The following ZBTB39 variants were observed in gnomAD, a reference collection of about 807,000 sequenced individuals.
ZBTB39 encodes the protein zinc finger and BTB domain containing 39.
A neutral mutation model predicts 39.4 loss-of-function variants in ZBTB39; 25 were observed. That is an observed-to-expected ratio of 0.63 (90% confidence interval 0.46 to 0.89). ZBTB39 has a LOEUF of 0.89. Among genes scored for constraint, ZBTB39 ranks in the 40% least tolerant of loss-of-function variants. ZBTB39 has a pLI of 0.00. For synonymous variants in ZBTB39, 373 were observed against 359.6 expected (o/e 1.04, Z -0.42); for missense variants, 891 against 909.7 (o/e 0.98, Z 0.26).
At position 57,002,938 on chromosome 12, in the gene ZBTB39, CAT is replaced by C; in HGVS notation, c.1978_1979del (p.Met660ValfsTer14). The C allele has an allele frequency of 1.2e-6, 2 of 1,614,262 alleles. No homozygotes were observed. The highest frequency in any genetic ancestry group is 8.5e-7 in the Non-Finnish European group (1 of 1,180,054). Reference protein sequence around the residue: ...CHLKTHSGALMYRCTVCGHYS... With the variant: ...CHLKTHSGALXYRCTVCGHYS... ...AGTGCCCACAGACTGTGCAGCGGTA[CAT>C]GAGGGCCCCCGAGTGTGTCTTTAGG... On this transcript the variant is annotated frameshift_variant, in exon 2 of 2. Transcript: ENST00000300101. LOFTEE classifies it high-confidence loss of function.
Position 57,003,141 on chromosome 12 carries a change from C to G in ZBTB39, c.1777G>C (p.Glu593Gln), listed in dbSNP as rs774889949. ...KLPAEEFLGE[E>Q]LALQGQPGNS... ...CCAGGTTGGCCCTGCAGCGCCAGCTCTTCACCCAGAAACTCCTCTGCTGGC... is the reference window on the plus strand; with the variant it reads ...CCAGGTTGGCCCTGCAGCGCCAGCTGTTCACCCAGAAACTCCTCTGCTGGC... Residue 593 changes from glutamate (E) to glutamine (Q), a missense_variant, in exon 2 of 2, where the codon GAG (glutamate) becomes CAG (glutamine). Transcript: ENST00000300101. The surrounding 1 kb of genome is among the most constrained non-coding windows in gnomAD (Gnocchi z 4.8). 1.2e-6 allele frequency: 2 copies of G among 1,614,184 alleles called. No homozygotes were observed. Among genetic ancestry groups the G allele is most frequent in the South Asian group, 1.1e-5 (1 of 91,084 alleles).
At position 57,002,830 on chromosome 12, in the gene ZBTB39, G is replaced by C; in HGVS notation, c.2088C>G (p.Thr696=). The C allele has an allele frequency of 6.2e-7, 1 of 1,614,210 alleles. No individual in the cohort carries two copies. The highest frequency in any genetic ancestry group is 1.7e-5 in the Admixed American group (1 of 60,038). ...SLPPDFTIEQ[T]FMYIIHSKEA... is the part of the protein sequence containing the mutation. ...CTTTGGAATGGATGATGTACATGAA[G>C]GTCTGCTCGATGGTGAAGTCAGGGG... Residue 696 remains threonine (T), a synonymous_variant, in exon 2 of 2, where the codon ACC becomes ACG. Coordinates refer to ENST00000300101, the MANE Select transcript of ZBTB39 (RefSeq NM_014830.3).
chr12:57,004,199 C>T lies in ZBTB39; in HGVS notation c.719G>A (p.Ser240Asn), dbSNP rs774811630. 1.2e-5 allele frequency: 20 copies of T among 1,614,174 alleles called. No homozygotes were observed. In the South Asian group the frequency reaches 2.2e-4, roughly 18 times the overall value. Residue 240 changes from serine (S) to asparagine (N), a missense_variant, in exon 2 of 2, where the codon AGC (serine) becomes AAC (asparagine). Physicochemically the swap from Ser to Asn is conservative, Grantham distance 46 (BLOSUM62 1). Transcript: ENST00000300101. ...LGTVSTGIQT[S>N]TSSCQPYKVQ... is the part of the protein sequence containing the mutation. ...TTTGTATGGCTGGCAGGAGCTCGTG[C>T]TGGTCTGGATGCCCGTGCTGACAGT...
rs768517211 is a variant in ZBTB39, at chr12:57,004,573, G to A, written c.345C>T (p.Leu115=). Reference sequence around the variant, plus strand: ...CAGGAAAGGTAGAGTGACAGGCCTGGAGGAGGTCCTCCATACCCAGACGCT... The same window carrying A: ...CAGGAAAGGTAGAGTGACAGGCCTGAAGGAGGTCCTCCATACCCAGACGCT... ...VAERLGMEDL[L]QACHSTFPDL... The change falls in exon 2 of 2, where the codon CTC becomes CTT. Residue 115 remains leucine, a synonymous_variant. Coordinates refer to ENST00000300101, the MANE Select transcript of ZBTB39 (RefSeq NM_014830.3). 68 of 1,614,218 alleles carry A rather than the reference G, an allele frequency of 4.2e-5. 1 individual carries two copies. The South Asian group carries it at 7.2e-4, about 17-fold the overall frequency.
At position 57,004,848 on chromosome 12, in the gene ZBTB39, G is replaced by A. The variant is rs1402826656; in HGVS notation, c.70C>T (p.Arg24Trp). The change falls in exon 2 of 2, where the codon CGG becomes TGG. Residue 24 changes from arginine (R) to tryptophan (W), a missense_variant. Transcript: ENST00000300101. ...NNLLKELNKC[R>W]LSETMCDVTI... ...ACGTCGCACATGGTCTCTGAGAGCC[G>A]GCACTTGTTGAGTTCCTTCAGCAGG... The A allele has an allele frequency of 6.2e-6, 10 of 1,613,562 alleles. No individual in the cohort carries two copies. The highest frequency in any genetic ancestry group is 1.3e-5 in the African/African-American group (1 of 74,932).
Position 57,004,021 on chromosome 12 carries a change from C to T in ZBTB39, c.897G>A (p.Leu299=), listed in dbSNP as rs1392070165. The change falls in exon 2 of 2, where the codon CTG becomes CTA. Residue 299 remains leucine (L), a synonymous_variant. Coordinates refer to ENST00000300101, the MANE Select transcript of ZBTB39 (RefSeq NM_014830.3). ...GQMDELQLED[L]GDDDLQFEDP... ...CTTCAAACTGCAAGTCATCATCCCC[C>T]AGGTCCTCGAGCTGGAGCTCATCCA... 3.1e-6 allele frequency: 5 copies of T among 1,614,260 alleles called. No homozygotes were observed. The highest frequency in any genetic ancestry group is 1.1e-5 in the South Asian group (1 of 91,078).
chr12:57,004,665 T>C lies in ZBTB39; in HGVS notation c.253A>G (p.Ser85Gly). ...AAGAGTTCTGAAGTGTAGACAAAGC[T>C]CAGAACCTTCTCAAAGTTGGCAGGG... ...ITPANFEKVL[S>G]FVYTSELFTD... The change falls in exon 2 of 2, where the codon AGC (serine) becomes GGC (glycine). Residue 85 changes from serine to glycine, a missense_variant. Ser to Gly is a moderately conservative substitution (Grantham distance 56, BLOSUM62 0). Coordinates refer to ENST00000300101, the MANE Select transcript of ZBTB39 (RefSeq NM_014830.3). The C allele has an allele frequency of 6.2e-7, 1 of 1,614,146 alleles. No individual in the cohort carries two copies. The highest frequency in any genetic ancestry group is 1.3e-5 in the African/African-American group (1 of 75,020).
In ZBTB39 at chr12:56,999,372, A is replaced by G. The variant is rs556592922; in HGVS notation, c.*3407T>C. 1 of 152,392 alleles carries G rather than the reference A, an allele frequency of 6.6e-6. No individual in the cohort carries two copies. The highest frequency in any genetic ancestry group is 1.9e-4 in the East Asian group (1 of 5,196). The allele number at this position is 152,392 out of a possible 1,614,324, so 9.4% of individuals were successfully genotyped here. Reference sequence around the variant, plus strand: ...GGGGAAAGGGGCACAGAAGGAGGCCAGAGGAAGAAGAAAATTCAACACTAG... The same window carrying G: ...GGGGAAAGGGGCACAGAAGGAGGCCGGAGGAAGAAGAAAATTCAACACTAG... On this transcript the variant is annotated 3_prime_UTR_variant, in exon 2 of 2. Coordinates refer to ENST00000300101, the MANE Select transcript of ZBTB39 (RefSeq NM_014830.3).
Position 56,999,138 on chromosome 12 carries a change from T to G in ZBTB39, c.*3641A>C, listed in dbSNP as rs1334014145. On this transcript the variant is annotated 3_prime_UTR_variant, in exon 2 of 2. Transcript: ENST00000300101. ...GAAGGGTTTTAAAGAAACATCAAAA[T>G]CGAGTTTCATTTTCATTCTGATGTT... 6.6e-6 allele frequency: 1 copy of G among 152,344 alleles called. No individual in the cohort carries two copies. Among genetic ancestry groups the G allele is most frequent in the Admixed American group, 6.6e-5 (1 of 15,266 alleles). 9.4% of individuals were successfully genotyped at this position (152,344 alleles called of 1,614,324 possible). A position where few individuals can be genotyped will look rare whatever the true frequency, so the allele number is the denominator to read the frequency against.
Position 57,002,860 on chromosome 12 carries a change from G to A in ZBTB39, c.2058C>T (p.Ser686=). Residue 686 remains serine (S), a synonymous_variant, in exon 2 of 2, where the codon AGC becomes AGT. Coordinates refer to ENST00000300101, the MANE Select transcript of ZBTB39 (RefSeq NM_014830.3). ...GCTCGATGGTGAAGTCAGGGGGGAGGCTGCCTTTGTGCACACCAACATGTT... is the reference window on the plus strand; with the variant it reads ...GCTCGATGGTGAAGTCAGGGGGGAGACTGCCTTTGTGCACACCAACATGTT... ...MSKHVGVHKG[S]LPPDFTIEQT... The A allele has an allele frequency of 6.2e-7, 1 of 1,614,218 alleles. No homozygotes were observed. Among genetic ancestry groups the A allele is most frequent in the Non-Finnish European group, 8.5e-7 (1 of 1,180,046 alleles).
Position 57,004,624 on chromosome 12 carries a change from A to G in ZBTB39, c.294T>C (p.Asn98=). Residue 98 remains asparagine, a synonymous_variant, in exon 2 of 2, where the codon AAT becomes AAC. Transcript: ENST00000300101. ...YTSELFTDLI[N]VGVIYEVAER... ...CAGCTACCTCGTAGATGACCCCAACATTGATCAGGTCTGTGAAGAGTTCTG... is the reference window on the plus strand; with the variant it reads ...CAGCTACCTCGTAGATGACCCCAACGTTGATCAGGTCTGTGAAGAGTTCTG... 6.2e-7 allele frequency: 1 copy of G among 1,614,166 alleles called. No homozygotes were observed. Among genetic ancestry groups the G allele is most frequent in the Non-Finnish European group, 8.5e-7 (1 of 1,180,032 alleles).
chr12:57,004,358 T>C lies in ZBTB39; in HGVS notation c.560A>G (p.Lys187Arg), dbSNP rs941607028. ...ATGGTTAGCGTCACTGGCAACATTC[T>C]TCTCTTCCTCTTTATAGCTCCCTCC... ...DAGGSYKEEE[K>R]NVASDANHSL... The change falls in exon 2 of 2, where the codon AAG becomes AGG. Residue 187 changes from lysine (K) to arginine (R), a missense_variant. Lys to Arg is a conservative substitution (Grantham distance 26). Coordinates refer to ENST00000300101, the MANE Select transcript of ZBTB39 (RefSeq NM_014830.3). 4.3e-6 allele frequency: 7 copies of C among 1,614,182 alleles called. No homozygotes were observed. Among genetic ancestry groups the C allele is most frequent in the Non-Finnish European group, 5.9e-6 (7 of 1,180,032 alleles).
At position 57,004,926 on chromosome 12, in the gene ZBTB39, C is replaced by T; in HGVS notation, c.-9G>A. The T allele has an allele frequency of 2.5e-6, 4 of 1,574,990 alleles. No individual in the cohort carries two copies. Among genetic ancestry groups the T allele is most frequent in the Non-Finnish European group, 3.5e-6 (4 of 1,157,470 alleles). Reference sequence around the variant, plus strand: ...TTGATCCTCATGCCCATCTTAGCAGCTCCTATGAAATTACCTCCTTATCAG... The same window carrying T: ...TTGATCCTCATGCCCATCTTAGCAGTTCCTATGAAATTACCTCCTTATCAG... On this transcript the variant is annotated 5_prime_UTR_variant, in exon 2 of 2. Coordinates refer to ENST00000300101, the MANE Select transcript of ZBTB39 (RefSeq NM_014830.3).
At position 57,003,458 on chromosome 12, in the gene ZBTB39, T is replaced by G. The variant is rs767215271; in HGVS notation, c.1460A>C (p.Gln487Pro). ...GAGGCTGCAGAGGTTAAGGTGACGC[T>G]GGTCGCAGACACTGCAGGCCTGGCC... ...LKGQACSVCD[Q>P]RHLNLCSLMW... The change falls in exon 2 of 2, where the codon CAG becomes CCG. Residue 487 changes from glutamine (Q) to proline (P), a missense_variant. Transcript: ENST00000300101. This position sits in a 1 kb window ranked among gnomAD's most constrained non-coding sequence, Gnocchi z 4.8. 6 of 1,613,692 alleles carry G rather than the reference T, an allele frequency of 3.7e-6. No individual in the cohort carries two copies. In the South Asian group the frequency reaches 6.6e-5, roughly 18 times the overall value.
rs1375152086 is a variant in ZBTB39, at chr12:57,004,677, C to T, written c.241G>A (p.Glu81Lys). The change falls in exon 2 of 2, where the codon GAG becomes AAG. Residue 81 changes from glutamate (E) to lysine (K), a missense_variant. Glu to Lys is a moderately conservative substitution (Grantham distance 56). Transcript: ENST00000300101. ...GTGTAGACAAAGCTCAGAACCTTCT[C>T]AAAGTTGGCAGGGGTGATGAAGTCC... ...VVDFITPANFEKVLSFVYTSE... is the reference protein window; with the variant it reads ...VVDFITPANFKKVLSFVYTSE... 2.5e-6 allele frequency: 4 copies of T among 1,614,110 alleles called. No individual in the cohort carries two copies.
Position 57,002,130 on chromosome 12 carries a change from T to G in ZBTB39, c.*649A>C, listed in dbSNP as rs1005738501. On this transcript the variant is annotated 3_prime_UTR_variant, in exon 2 of 2. Transcript: ENST00000300101. ...ACCCCTTCTGGCTGGCAGGGGTTCA[T>G]CCCAAAGCTTTCTGACCTAAATAGA... The G allele has an allele frequency of 6.5e-6, 1 of 152,692 alleles. No homozygotes were observed. Among genetic ancestry groups the G allele is most frequent in the African/African-American group, 2.4e-5 (1 of 41,452 alleles). 9.5% of individuals were successfully genotyped at this position (152,692 alleles called of 1,614,324 possible). A position where few individuals can be genotyped will look rare whatever the true frequency, so the allele number is the denominator to read the frequency against.
intron 1 of ZBTB39, among the ~76,000 whole-genome samples, chr12:57,005,849 T>C (rs1029091131): frequency 6.6e-6 from 1 of 152,240 alleles, no homozygotes; most frequent in Non-Finnish European, 1.5e-5. Context: ...CTTGCATCCC[T>C]GTTCAGTCTC....
chr12:57,002,159 C>T lies in ZBTB39; in HGVS notation c.*620G>A, dbSNP rs1044893924. ...AAAGCTTTCTGACCTAAATAGAAAGCTCTGTGCCTAGTATGGATCTAGCTG... is the reference window on the plus strand; with the variant it reads ...AAAGCTTTCTGACCTAAATAGAAAGTTCTGTGCCTAGTATGGATCTAGCTG... On this transcript the variant is annotated 3_prime_UTR_variant, in exon 2 of 2. Transcript: ENST00000300101. 6.5e-6 allele frequency: 1 copy of T among 152,752 alleles called. No homozygotes were observed. The highest frequency in any genetic ancestry group is 2.4e-5 in the African/African-American group (1 of 41,444). 9.5% of individuals were successfully genotyped at this position (152,752 alleles called of 1,614,324 possible).
rs775432105 is a variant in ZBTB39, at chr12:57,004,399, C to T, written c.519G>A (p.Val173=). The T allele has an allele frequency of 1.2e-6, 2 of 1,614,222 alleles. No homozygotes were observed. Among genetic ancestry groups the T allele is most frequent in the Admixed American group, 1.7e-5 (1 of 60,024 alleles). The change falls in exon 2 of 2, where the codon GTG becomes GTA. Residue 173 remains valine, a synonymous_variant. Coordinates refer to ENST00000300101, the MANE Select transcript of ZBTB39 (RefSeq NM_014830.3). The stretch of plus-strand genomic sequence containing the variant: ...AGCTCCCTCCAGCATCACTGGGCAA[C>T]ACATAGTTTCTATCAGCACCAAGGT... The part of the protein sequence containing the change: ...GDYLGADRNY[V]LPSDAGGSYK...
Sources: gnomAD v4.1 joint callset for allele counts (sites outside exome capture counted in the v4.1 genomes callset) on GRCh38, gnomAD v4.1.1 for gene constraint, Gnocchi (gnomAD v3.1) non-coding constraint, MANE v1.5 for transcripts, NCBI Gene and HGNC (gene_info 2026-07-23, HGNC 2026-07-21) for gene names.